Variants in PTPRZ1 observed in about 807,000 individuals in gnomAD.
PTPRZ1 encodes protein tyrosine phosphatase receptor type Z1, also known as receptor-type tyrosine-protein phosphatase zeta.
In PTPRZ1, 82 loss-of-function variants were observed where a neutral mutation model predicts 214.1. The observed-to-expected ratio is 0.38, with a 90% CI of 0.32 to 0.46. PTPRZ1 has a LOEUF of 0.46. Among genes scored for constraint, PTPRZ1 ranks in the 20% least tolerant of loss-of-function variants. The pLI, the probability that PTPRZ1 is intolerant of heterozygous loss-of-function variation, is 1.00. For missense variants in PTPRZ1, 2,603 were observed against 2,748.7 expected, an observed-to-expected ratio of 0.95 and a Z score of 1.19; for synonymous variants, 945 against 987.9, an observed-to-expected ratio of 0.96 and a Z score of 0.81.
At chr7:121,945,962 A>C (rs1431356863) in intron 2 of PTPRZ1, among the ~76,000 whole-genome samples, 1 of 152,214 alleles carries the variant, frequency 6.6e-6, no homozygotes, top group Non-Finnish European at 1.5e-5. Context: ...TTCAGAGTAG[A>C]ATTCAGTAGG....
intron 2 of PTPRZ1, among the ~76,000 whole-genome samples, chr7:121,963,830 C>T (rs1019193085): frequency 6.6e-6 from 1 of 152,016 alleles, no homozygotes; most frequent in Admixed American, 6.6e-5. Context: ...CCTATCCTGC[C>T]TCACTATGAT....
chr7:121,984,573 C>T (rs970119447), intron 8 of PTPRZ1, among the ~76,000 whole-genome samples: 1 of 152,102 alleles, frequency 6.6e-6, no homozygotes, highest in African/African-American at 2.4e-5. Context: ...AGTCTTGACA[C>T]AGTATTTGGG....
At chr7:122,029,083 A>C (rs550632068) in intron 14 of PTPRZ1, among the ~76,000 whole-genome samples, 2 of 150,634 alleles carry the variant, frequency 1.3e-5, no homozygotes, top group South Asian at 4.2e-4. Flanking sequence ...ACTTGAGTTT[A>C]TGTGAGAAAA....
chr7:121,913,172 T>C (rs1423139698), intron 1 of PTPRZ1, among the ~76,000 whole-genome samples: 1 of 152,144 alleles, frequency 6.6e-6, no homozygotes, highest in Non-Finnish European at 1.5e-5. Context: ...AGATACCATA[T>C]GATGCATGAG....
intron 2 of PTPRZ1, among the ~76,000 whole-genome samples, chr7:121,960,250 A>G (rs2116485213): frequency 6.6e-6 from 1 of 152,284 alleles, no homozygotes. Context: ...TATGTTGGCC[A>G]GGCTCGTCTC....
At chr7:122,045,114 C>A (rs1022734781) in intron 23 of PTPRZ1, among the ~76,000 whole-genome samples, 2 of 152,138 alleles carry the variant, frequency 1.3e-5, no homozygotes, top group African/African-American at 4.8e-5. Context: ...TCCCACAATA[C>A]CAGCTCTCTG....
At chr7:122,014,980 A>G (rs995999046) in intron 12 of PTPRZ1, among the ~76,000 whole-genome samples, 3 of 152,204 alleles carry the variant, frequency 2.0e-5, no homozygotes, top group Non-Finnish European at 4.4e-5. Flanking sequence ...GATGTAAAAC[A>G]CTAAACATTT....
At chr7:121,969,067 A>G (rs542809349) in intron 3 of PTPRZ1, among the ~76,000 whole-genome samples, 18 of 152,008 alleles carry the variant, frequency 1.2e-4, no homozygotes, top group African/African-American at 4.1e-4. Flanking sequence ...GCAAAAACCC[A>G]TCTCTACTAA....
At chr7:121,977,646 G>A (rs557152431) in intron 6 of PTPRZ1, among the ~76,000 whole-genome samples, 1 of 151,934 alleles carries the variant, frequency 6.6e-6, no homozygotes, top group East Asian at 1.9e-4. Context: ...TTACATGTGA[G>A]GATCTGAATT....
At chr7:122,056,697 T>C (rs1792357994) in intron 27 of PTPRZ1, among the ~76,000 whole-genome samples, 1 of 151,812 alleles carries the variant, frequency 6.6e-6, no homozygotes, top group Non-Finnish European at 1.5e-5. Context: ...TAAATTACTT[T>C]TACCCACCAT....
chr7:121,942,789 A>T (rs1052648055), intron 2 of PTPRZ1, among the ~76,000 whole-genome samples: 1 of 152,234 alleles, frequency 6.6e-6, no homozygotes. Flanking sequence ...GATCTAAGGA[A>T]CTATATTTAT....
In PTPRZ1 at chr7:122,013,548, G is replaced by T. The variant is rs200148176; in HGVS notation, c.4502G>T (p.Ser1501Ile). The T allele has an allele frequency of 6.3e-5, 101 of 1,614,178 alleles. No homozygotes were observed. In the South Asian group the frequency reaches 1.0e-3, roughly 16 times the overall value. Residue 1501 changes from serine (S) to isoleucine (I), a missense_variant, in exon 12 of 30, where the codon AGT (serine) becomes ATT (isoleucine). Transcript: ENST00000393386. ...SSDSQTGMDR[S>I]PGKSPSANGL... ...GACAGTCAAACTGGTATGGACAGAA[G>T]TCCTGGTAAATCACCATCAGCAAAT...
At chr7:121,989,232 G>T (rs1797865387) in intron 8 of PTPRZ1, among the ~76,000 whole-genome samples, 1 of 152,164 alleles carries the variant, frequency 6.6e-6, no homozygotes, top group South Asian at 2.1e-4. Context: ...AAAAAGAGGA[G>T]AAATGAATCT....
In PTPRZ1 at chr7:122,059,796, C is replaced by A; in HGVS notation, c.6715C>A (p.Leu2239Ile). The A allele has an allele frequency of 6.2e-7, 1 of 1,613,274 alleles. No individual in the cohort carries two copies. The highest frequency in any genetic ancestry group is 8.5e-7 in the Non-Finnish European group (1 of 1,179,682). Residue 2239 changes from leucine to isoleucine, a missense_variant, in exon 29 of 30, where the codon CTT becomes ATT. By Grantham distance (5) the Leu-to-Ile change is conservative. Around this residue, in one of 6 missense-constraint regions of PTPRZ1, gnomAD observed 165 missense variants for 151.4 expected, o/e 1.09. Transcript: ENST00000393386. The part of the protein sequence containing the change: ...TAGTFCALTT[L>I]MHQLEKENSV... ...AGGAACTTTCTGTGCTCTGACAACC[C>A]TTATGCACCAACTAGAAAAAGAAAA... is the stretch of plus-strand genomic sequence containing the variant.
chr7:122,036,268 A>G (rs1214734277), intron 17 of PTPRZ1, among the ~76,000 whole-genome samples: 1 of 152,204 alleles, frequency 6.6e-6, no homozygotes, highest in Non-Finnish European at 1.5e-5. Context: ...TTAAAAGACC[A>G]ACTTCAGATG....
At chr7:122,052,073 GCCCA>G in intron 25 of PTPRZ1, 134 bp downstream of exon 25, 2 of 630,270 alleles carry the variant, frequency 3.2e-6, no homozygotes, top group Non-Finnish European at 5.4e-6. Flanking sequence ...TTGACTGCAA[GCCCA>G]CAGTCCACAG....
At chr7:121,998,151 T>G in intron 10 of PTPRZ1, 145 bp downstream of exon 10, 1 of 856,962 alleles carries the variant, frequency 1.2e-6, no homozygotes, top group Non-Finnish European at 1.7e-6. Context: ...GGTAATTTTT[T>G]GGGGCATGGG....
chr7:121,994,435 C>T (rs1321952962), intron 8 of PTPRZ1, among the ~76,000 whole-genome samples: 1 of 151,514 alleles, frequency 6.6e-6, no homozygotes, highest in African/African-American at 2.4e-5. Context: ...GCTGGGATTA[C>T]AGGCGCCCGC....
chr7:122,001,505 A>G (rs760230841), intron 10 of PTPRZ1, among the ~76,000 whole-genome samples: 1 of 152,174 alleles, frequency 6.6e-6, no homozygotes, highest in Non-Finnish European at 1.5e-5. Flanking sequence ...TTGTATAACA[A>G]TTGTCTTAAG....
Sources: gnomAD v4.1 joint callset for allele counts (sites outside exome capture counted in the v4.1 genomes callset) on GRCh38, gnomAD v4.1.1 for gene constraint, gnomAD v4.1.1 regional missense constraint, MANE v1.5 for transcripts, NCBI Gene and HGNC (gene_info 2026-07-23, HGNC 2026-07-21) for gene names.